Variants in VPS4B observed in about 807,000 individuals in gnomAD.
VPS4B encodes vacuolar protein sorting 4 homolog B, also known as vacuolar protein sorting-associated protein 4B.
Under a neutral mutation model 56.1 loss-of-function variants are expected in VPS4B, and 23 were observed. The ratio of observed to expected loss-of-function variants is 0.41; its 90% CI spans 0.30 to 0.58. The LOEUF is 0.58. Among genes scored for constraint, VPS4B ranks in the 20% least tolerant of loss-of-function variants. The pLI is 0.29. For missense variants in VPS4B, 372 were observed against 531.9 expected (o/e 0.70, Z 2.96); for synonymous variants, 177 against 186.0 (o/e 0.95, Z 0.39).
chr18:63,421,386 G>A (rs1258730891), intron 1 of VPS4B, among the ~76,000 whole-genome samples: 2 of 152,108 alleles, frequency 1.3e-5, no homozygotes, highest in African/African-American at 4.8e-5. Context: ...ACAAACTACC[G>A]GAAGTCCACG....
chr18:63,391,210 C>A, intron 10 of VPS4B, 134 bp from the exon 11 acceptor site: 1 of 607,964 alleles, frequency 1.6e-6, no homozygotes, highest in Non-Finnish European at 2.9e-6. Flanking sequence ...CCATAAGATA[C>A]TAACGATAAA....
chr18:63,401,399 T>C (rs1456187942), intron 5 of VPS4B, among the ~76,000 whole-genome samples: 1 of 152,048 alleles, frequency 6.6e-6, no homozygotes, highest in East Asian at 1.9e-4. Context: ...AGATTATAGG[T>C]GCCCGCCATT....
At chr18:63,417,928 G>C (rs1246272965) in intron 1 of VPS4B, among the ~76,000 whole-genome samples, 3 of 152,106 alleles carry the variant, frequency 2.0e-5, no homozygotes, top group Non-Finnish European at 4.4e-5. Context: ...CCTGAGAAAT[G>C]GGGTAAATTC....
Position 63,396,998 on chromosome 18 carries a change from A to G in VPS4B, c.1092+36T>C, listed in dbSNP as rs1265734195. 7.5e-6 allele frequency: 12 copies of G among 1,597,164 alleles called. No homozygotes were observed. The African/African-American group carries it at 1.6e-4, about 22-fold the overall frequency. ...GAGTGAGACTGTCTCAAAAAAAAAA[A>G]AAAAAGATAGGAAAGGATAGATAAA... On this transcript the variant is annotated intron_variant, in intron 9 of 10. Coordinates refer to ENST00000238497, the MANE Select transcript of VPS4B (RefSeq NM_004869.4).
chr18:63,389,630 T>C lies in VPS4B; in HGVS notation c.*1345A>G, dbSNP rs1404020033. ...TTAAAATAGCATCGTTTATTATTTT[T>C]TAATGAGTCATGAGCTCATTTCTAA... is the stretch of plus-strand genomic sequence containing the variant. On this transcript the variant is annotated 3_prime_UTR_variant, in exon 11 of 11. Coordinates refer to ENST00000238497, the MANE Select transcript of VPS4B (RefSeq NM_004869.4). The C allele has an allele frequency of 1.3e-5, 2 of 152,664 alleles. No homozygotes were observed. The highest frequency in any genetic ancestry group is 3.8e-4 in the East Asian group (2 of 5,206). 9.5% of individuals were successfully genotyped at this position (152,664 alleles called of 1,614,324 possible).
At chr18:63,417,632 T>G (rs555338847) in intron 1 of VPS4B, among the ~76,000 whole-genome samples, 1 of 152,302 alleles carries the variant, frequency 6.6e-6, no homozygotes, top group African/African-American at 2.4e-5. Flanking sequence ...GATCTTTGTG[T>G]GTGCATGTGT....
Position 63,410,306 on chromosome 18 carries a change from G to A in VPS4B, c.280C>T (p.Pro94Ser), listed in dbSNP as rs1916008908. 1 of 1,613,776 alleles carries A rather than the reference G, an allele frequency of 6.2e-7. No homozygotes were observed. The highest frequency in any genetic ancestry group is 8.5e-7 in the Non-Finnish European group (1 of 1,180,014). Residue 94 changes from proline to serine, a missense_variant, in exon 3 of 11, where the codon CCA (proline) becomes TCA (serine). Physicochemically the swap from Pro to Ser is moderately conservative, Grantham distance 74. Coordinates refer to ENST00000238497, the MANE Select transcript of VPS4B (RefSeq NM_004869.4). ...AACACGTACCCCTTCTCATCTGCTG[G>A]ACTCGGCTGTCCTTCTTTCACTGGC... ...QKPVKEGQPS[P>S]ADEKGNDSDG...
chr18:63,390,885 T>C lies in VPS4B; in HGVS notation c.*90A>G. Reference sequence around the variant, plus strand: ...TGTGTATTTCCCTGTGGTAAAAGAGTTTTACTGGAAACAATTAATGCGATC... The same window carrying C: ...TGTGTATTTCCCTGTGGTAAAAGAGCTTTACTGGAAACAATTAATGCGATC... On this transcript the variant is annotated 3_prime_UTR_variant, in exon 11 of 11. Transcript: ENST00000238497. The C allele has an allele frequency of 1.1e-6, 1 of 871,466 alleles. No homozygotes were observed. Among genetic ancestry groups the C allele is most frequent in the Non-Finnish European group, 1.8e-6 (1 of 555,172 alleles). The allele number at this position is 871,466 out of a possible 1,614,324, so 54.0% of individuals were successfully genotyped here.
chr18:63,418,697 G>C (rs924143124), intron 1 of VPS4B, among the ~76,000 whole-genome samples: 2 of 152,138 alleles, frequency 1.3e-5, no homozygotes, highest in African/African-American at 2.4e-5. Flanking sequence ...ACTGCGCCTG[G>C]CCTGGTTTTA....
intron 7 of VPS4B, 43 bp downstream of exon 7, chr18:63,400,005 T>A: frequency 6.3e-7 from 1 of 1,575,240 alleles, no homozygotes; most frequent in Non-Finnish European, 8.6e-7. Context: ...GGCGACAGAG[T>A]GAGACTCCGT....
intron 3 of VPS4B, among the ~76,000 whole-genome samples, chr18:63,409,789 A>T (rs1376530784): frequency 1.3e-5 from 2 of 152,228 alleles, no homozygotes; most frequent in African/African-American, 4.8e-5. Flanking sequence ...TATCCAAAAA[A>T]AATTTACATT....
intron 5 of VPS4B, among the ~76,000 whole-genome samples, chr18:63,403,106 A>G (rs1248527952): frequency 6.6e-6 from 1 of 152,236 alleles, no homozygotes. Context: ...CTTCACAGTG[A>G]TAATGAAATG....
intron 3 of VPS4B, 149 bp downstream of exon 3, chr18:63,410,141 T>A: frequency 2.0e-6 from 2 of 1,011,110 alleles, no homozygotes; most frequent in Non-Finnish European, 2.9e-6. Context: ...TGGGCACGGC[T>A]GTGTTCTGAT....
Position 63,397,104 on chromosome 18 carries a change from A to T in VPS4B, c.1022T>A (p.Ile341Lys), listed in dbSNP as rs752058625. 16 of 1,614,162 alleles carry T rather than the reference A, an allele frequency of 9.9e-6. No individual in the cohort carries two copies. The highest frequency in any genetic ancestry group is 1.4e-5 in the Non-Finnish European group (16 of 1,180,030). Residue 341 changes from isoleucine (I) to lysine (K), a missense_variant, in exon 9 of 11, where the codon ATA becomes AAA. Physicochemically the swap from Ile to Lys is moderately radical, Grantham distance 102. Coordinates refer to ENST00000238497, the MANE Select transcript of VPS4B (RefSeq NM_004869.4). Reference sequence around the variant, plus strand: ...AAGGGCATCACGTACAATGATACTTATATCTGCCCCTGAATAACCATCTGT... The same window carrying T: ...AAGGGCATCACGTACAATGATACTTTTATCTGCCCCTGAATAACCATCTGT... ...RKTDGYSGADISIIVRDALMQ... is the reference protein window; with the variant it reads ...RKTDGYSGADKSIIVRDALMQ...
intron 1 of VPS4B, among the ~76,000 whole-genome samples, chr18:63,419,731 G>C (rs1916252194): frequency 1.3e-5 from 2 of 152,170 alleles, no homozygotes; most frequent in East Asian, 1.9e-4. Context: ...TTGTGACATA[G>C]TGTTTCAAAA....
At chr18:63,413,411 C>T (rs577872270) in intron 1 of VPS4B, among the ~76,000 whole-genome samples, 19 of 152,050 alleles carry the variant, frequency 1.2e-4, no homozygotes, top group South Asian at 2.1e-4. Flanking sequence ...TAGCGGCATG[C>T]GCCTATAGTC....
rs150217999 is a variant in VPS4B at position 63,406,591 on chromosome 18, C to T, written c.364+841G>A. Among the ~76,000 whole-genome samples, 5 of 152,232 alleles carry T rather than the reference C, an allele frequency of 3.3e-5. No homozygotes were observed. The East Asian group carries it at 5.8e-4, about 18-fold the overall frequency. ...TGAAAAATTGTTAGATAATTTATTT[C>T]GAAGAATAATCAAATCTCAGTGATT... On this transcript the variant is annotated intron_variant, in intron 4 of 10. Coordinates refer to ENST00000238497, the MANE Select transcript of VPS4B (RefSeq NM_004869.4).
chr18:63,417,333 C>T (rs768631181), intron 1 of VPS4B, among the ~76,000 whole-genome samples: 1 of 152,122 alleles, frequency 6.6e-6, no homozygotes, highest in East Asian at 1.9e-4. Context: ...CATAATAAAA[C>T]GGCTCATATC....
intron 10 of VPS4B, among the ~76,000 whole-genome samples, chr18:63,391,760 T>C (rs1915554299): frequency 6.6e-6 from 1 of 152,174 alleles, no homozygotes; most frequent in South Asian, 2.1e-4. Context: ...AAAAGGAAAA[T>C]ATCATTCACT....
Sources: gnomAD v4.1 joint callset for allele counts (sites outside exome capture counted in the v4.1 genomes callset) on GRCh38, gnomAD v4.1.1 for gene constraint, MANE v1.5 for transcripts, NCBI Gene and HGNC (gene_info 2026-07-23, HGNC 2026-07-21) for gene names.